Variants in GALK2 observed in about 807,000 individuals in gnomAD.
GALK2 encodes N-acetylgalactosamine kinase.
A neutral mutation model predicts 52.4 loss-of-function variants in GALK2; 36 were observed. The ratio of observed to expected loss-of-function variants is 0.69; its 90% CI spans 0.53 to 0.91. The LOEUF is 0.91. Among genes scored for constraint, GALK2 ranks in the 40% least tolerant of loss-of-function variants. The probability of loss-of-function intolerance (pLI) is 0.00; values close to 1 mark genes in which losing one functional copy is unlikely to be tolerated. For synonymous variants in GALK2, 176 were observed against 199.1 expected (o/e 0.88, Z 0.98); for missense variants, 579 against 559.1 (o/e 1.04, Z -0.36).
intron 7 of GALK2, among the ~76,000 whole-genome samples, chr15:49,285,085 T>C (rs2033192418): frequency 1.3e-5 from 2 of 152,218 alleles, no homozygotes; most frequent in Admixed American, 1.3e-4. Flanking sequence ...CTCCCTCTTA[T>C]TCCTTAATTT....
chr15:49,257,065 TC>T (rs1363354572), intron 5 of GALK2, among the ~76,000 whole-genome samples: 2 of 152,170 alleles, frequency 1.3e-5, no homozygotes, highest in Non-Finnish European at 2.9e-5. Context: ...GCAGGGTTGA[TC>T]CACTGGTCTC....
At chr15:49,216,082 T>A (rs929436084) in intron 2 of GALK2, among the ~76,000 whole-genome samples, 5 of 152,206 alleles carry the variant, frequency 3.3e-5, no homozygotes, top group Non-Finnish European at 7.3e-5. Flanking sequence ...ATATCTTCCC[T>A]TTACTCCTCC....
intron 3 of GALK2, among the ~76,000 whole-genome samples, chr15:49,338,189 G>T (rs532369337): frequency 1.3e-4 from 20 of 152,268 alleles, no homozygotes; most frequent in Non-Finnish European, 2.2e-4. Context: ...CTATCTGGTT[G>T]TTTTGCCCGT....
Position 49,206,811 on chromosome 15 carries a change from A to G in GALK2, c.142+5561A>G, listed in dbSNP as rs1374643272. Among the ~76,000 whole-genome samples the G allele has an allele frequency of 4.6e-5, 7 of 152,186 alleles. No homozygotes were observed. In the East Asian group the frequency reaches 9.7e-4, roughly 21 times the overall value. On this transcript the variant is annotated intron_variant, in intron 2 of 9. Coordinates refer to ENST00000560031, the MANE Select transcript of GALK2 (RefSeq NM_002044.4). ...GTGACAATTTGAGTTCCTCTTTACC[A>G]ATTTGAATGCCCTATATTTCTTTCT...
chr15:49,361,239 C>A (rs191265257), intron 3 of GALK2, among the ~76,000 whole-genome samples: 1 of 151,892 alleles, frequency 6.6e-6, no homozygotes, highest in East Asian at 1.9e-4. Flanking sequence ...ACCTATGATG[C>A]AAATTTTTTT....
Position 49,210,437 on chromosome 15 carries a change from TTTA to T in GALK2, c.143-6741_143-6739del, listed in dbSNP as rs1188210525. ...GCTGATTTATTTTATTTTATTTTAT[TTTA>T]TTATTATTATTTTTTTGAGATGGAG... is the stretch of plus-strand genomic sequence containing the variant. On this transcript the variant is annotated intron_variant, in intron 2 of 9. Coordinates refer to ENST00000560031, the MANE Select transcript of GALK2 (RefSeq NM_002044.4). 3.9e-4 allele frequency among the ~76,000 whole-genome samples: 59 copies of T among 151,616 alleles called. 1 individual carries two copies. Among genetic ancestry groups the T allele is most frequent in the Non-Finnish European group, 1.5e-5 (1 of 67,880 alleles).
intron 7 of GALK2, among the ~76,000 whole-genome samples, chr15:49,290,955 T>TG (rs1439723501): frequency 6.6e-6 from 1 of 152,102 alleles, no homozygotes; most frequent in African/African-American, 2.4e-5. Context: ...TTTGTTTTTT[T>TG]GTTTTGTTTT....
chr15:49,364,023 TTTG>T (rs750156250), intron 3 of GALK2, among the ~76,000 whole-genome samples: 23 of 152,286 alleles, frequency 1.5e-4, no homozygotes, highest in Non-Finnish European at 1.8e-4. Flanking sequence ...TCGCTAGTAT[TTTG>T]TTGAGAATTT....
intron 8 of GALK2, among the ~76,000 whole-genome samples, chr15:49,314,105 T>C (rs2036216471): frequency 6.6e-6 from 1 of 152,244 alleles, no homozygotes; most frequent in Non-Finnish European, 1.5e-5. Context: ...TAACCAATTA[T>C]GTGTGCCCTG....
chr15:49,367,245 T>C (rs990319766), intron 3 of GALK2, among the ~76,000 whole-genome samples: 1 of 152,150 alleles, frequency 6.6e-6, no homozygotes, highest in Non-Finnish European at 1.5e-5. Flanking sequence ...TTATTTTTCT[T>C]ACATGCAAAA....
At chr15:49,192,473 TTATATATATATG>T (rs2086795630) in intron 1 of GALK2, among the ~76,000 whole-genome samples, 1 of 82,414 alleles carries the variant, frequency 1.2e-5, no homozygotes, top group African/African-American at 4.6e-5. Flanking sequence ...GCAATGAATA[TTATATATATATG>T]TATATATATA....
At chr15:49,161,100 G>T (rs2084637392) in intron 1 of GALK2, among the ~76,000 whole-genome samples, 1 of 152,204 alleles carries the variant, frequency 6.6e-6, no homozygotes, top group African/African-American at 2.4e-5. Context: ...ATATGAAACT[G>T]CATGTTGATT....
Position 49,355,424 on chromosome 15 carries a change from C to T in GALK2, c.427-12067C>T, listed in dbSNP as rs188245750. Among the ~76,000 whole-genome samples, 973 of 152,132 alleles carry T rather than the reference C, an allele frequency of 6.4e-3. 14 individuals are homozygous for T. The highest frequency in any genetic ancestry group is 0.022 in the African/African-American group (913 of 41,476). On this transcript the variant is annotated intron_variant, in intron 3 of 3. Coordinates refer to the GALK2 transcript ENST00000558399. ...GCTAATGGAGCTGAAAACCAAGGCT[C>T]GAGAACTACGTGAAGAATGCAGAAG...
At chr15:49,199,413 G>T (rs1157098911) in intron 1 of GALK2, among the ~76,000 whole-genome samples, 1 of 152,072 alleles carries the variant, frequency 6.6e-6, no homozygotes, top group South Asian at 2.1e-4. Flanking sequence ...TTAGGCAGCC[G>T]CATCTACCAG....
intron 3 of GALK2, among the ~76,000 whole-genome samples, chr15:49,362,441 T>A (rs2044405947): frequency 6.6e-6 from 1 of 152,176 alleles, no homozygotes. Flanking sequence ...AAATCTCTTT[T>A]CTTCATAAAT....
intron 5 of GALK2, among the ~76,000 whole-genome samples, chr15:49,277,259 C>T (rs1440626111): frequency 7.9e-6 from 1 of 126,864 alleles, no homozygotes; most frequent in Non-Finnish European, 1.6e-5. Flanking sequence ...AGCTCCGCCT[C>T]CCGGGTTCAC....
intron 7 of GALK2, among the ~76,000 whole-genome samples, chr15:49,286,125 A>G (rs1490306177): frequency 1.3e-5 from 2 of 152,172 alleles, no homozygotes; most frequent in African/African-American, 4.8e-5. Flanking sequence ...TTATATTTTG[A>G]AGCACTTCAT....
upstream of GALK2, chr15:49,170,195 G>A: frequency 4.7e-6 from 7 of 1,488,410 alleles, no homozygotes; most frequent in Non-Finnish European, 6.3e-6. Context: ...GAAGCTGCAG[G>A]ATTTCCGCAG....
chr15:49,244,836 T>A (rs924684193), intron 5 of GALK2, among the ~76,000 whole-genome samples: 1 of 152,092 alleles, frequency 6.6e-6, no homozygotes, highest in East Asian at 1.9e-4. Context: ...ACTTATAATC[T>A]TATCAGTAAA....
Sources: gnomAD v4.1 joint callset for allele counts (sites outside exome capture counted in the v4.1 genomes callset) on GRCh38, gnomAD v4.1.1 for gene constraint, MANE v1.5 for transcripts, NCBI Gene and HGNC (gene_info 2026-07-23, HGNC 2026-07-21) for gene names.